The following PPFIBP2 variants were observed in gnomAD, a reference collection of about 807,000 sequenced individuals.
PPFIBP2 encodes liprin-beta-2.
A neutral mutation model predicts 118.3 loss-of-function variants in PPFIBP2; 118 were observed. The observed-to-expected ratio is 1.00, with a 90% CI of 0.86 to 1.16. The LOEUF (loss-of-function observed/expected upper bound fraction) is 1.16. Among genes scored for constraint, PPFIBP2 ranks in the 50% most tolerant of loss-of-function variants. PPFIBP2 has a pLI of 0.00. For missense variants in PPFIBP2, 1,195 were observed against 1,073.1 expected (o/e 1.11, Z -1.59); for synonymous variants, 414 against 397.4 (o/e 1.04, Z -0.50).
chr11:7,653,862 C>T, downstream of PPFIBP2: 1 of 1,092,164 alleles, frequency 9.2e-7, no homozygotes, highest in Admixed American at 3.8e-5. Flanking sequence ...GGCACTGAGC[C>T]TAGTCCTCAG....
chr11:7,663,410 T>A, the PPFIBP2 span, among the ~76,000 whole-genome samples: 1 of 151,978 alleles, frequency 6.6e-6, no homozygotes, highest in Non-Finnish European at 1.5e-5. Context: ...CCCTGCTGTG[T>A]GAGGTGTCGG....
intron 4 of PPFIBP2, chr11:7,597,268 G>T (rs1860509259): frequency 1.3e-6 from 2 of 1,535,370 alleles, no homozygotes; most frequent in Admixed American, 2.0e-5. Flanking sequence ...CAGGAGTCCA[G>T]CCCAGAGGCA....
intron 1 of PPFIBP2, among the ~76,000 whole-genome samples, chr11:7,527,908 C>T (rs911487206): frequency 6.6e-6 from 1 of 152,102 alleles, no homozygotes; most frequent in Non-Finnish European, 1.5e-5. Flanking sequence ...TATGAAGTAC[C>T]CATCATGCAT....
intron 3 of PPFIBP2, among the ~76,000 whole-genome samples, chr11:7,568,663 CAGGA>C (rs1855286125): frequency 1.3e-5 from 2 of 152,180 alleles, no homozygotes; most frequent in East Asian, 3.8e-4. Context: ...AAGTGGCCCT[CAGGA>C]AGACAGCTCA....
At chr11:7,559,376 G>A (rs961201049) in intron 2 of PPFIBP2, among the ~76,000 whole-genome samples, 65 of 152,250 alleles carry the variant, frequency 4.3e-4, no homozygotes, top group Admixed American at 4.2e-3. Context: ...TTTACAGGAG[G>A]TAATTGTGGG....
chr11:7,577,500 G>A (rs1295593549), intron 3 of PPFIBP2: 5 of 451,348 alleles, frequency 1.1e-5, no homozygotes, highest in Middle Eastern at 3.3e-4. Context: ...GGGGGGAGGG[G>A]GCAGAGGCAA....
chr11:7,602,242 C>G (rs1461019641), intron 5 of PPFIBP2, among the ~76,000 whole-genome samples: 1 of 152,098 alleles, frequency 6.6e-6, no homozygotes, highest in Non-Finnish European at 1.5e-5. Context: ...TTAAGCAGAT[C>G]AAGGCATTGC....
chr11:7,547,679 G>T (rs1852475446), intron 1 of PPFIBP2, among the ~76,000 whole-genome samples: 1 of 151,682 alleles, frequency 6.6e-6, no homozygotes, highest in African/African-American at 2.4e-5. Context: ...GTTCCTTGTT[G>T]CAGCCTTTTC....
intron 1 of PPFIBP2, among the ~76,000 whole-genome samples, chr11:7,525,103 C>G (rs1477210289): frequency 1.3e-5 from 2 of 152,100 alleles, no homozygotes; most frequent in Non-Finnish European, 2.9e-5. Flanking sequence ...TGTCCTGCCC[C>G]CTCATTCTAT....
At chr11:7,624,102 G>A (rs775055410) in intron 7 of PPFIBP2, among the ~76,000 whole-genome samples, 4 of 152,178 alleles carry the variant, frequency 2.6e-5, no homozygotes, top group Non-Finnish European at 4.4e-5. Context: ...GGGGATGTTA[G>A]GGAAGGTTAT....
chr11:7,609,375 C>T (rs562879777), intron 5 of PPFIBP2, among the ~76,000 whole-genome samples: 2 of 152,308 alleles, frequency 1.3e-5, no homozygotes, highest in African/African-American at 2.4e-5. Context: ...CCTTTGTAGC[C>T]AGTGTCTACC....
rs770118942 is a variant in PPFIBP2 at position 7,621,027 on chromosome 11, G to A, written c.711G>A (p.Lys237=). The A allele has an allele frequency of 2.1e-5, 34 of 1,595,326 alleles. No homozygotes were observed. The highest frequency in any genetic ancestry group is 1.7e-5 in the Admixed American group (1 of 59,968). The change falls in exon 7 of 24, where the codon AAG becomes AAA. Residue 237 remains lysine, a splice_region_variant and synonymous_variant. Coordinates refer to ENST00000299492, the MANE Select transcript of PPFIBP2 (RefSeq NM_003621.5). Reference sequence around the variant, plus strand: ...ATGAATGGAAGCTAAAGGCCACTAAGGTAAACGGCACTCCTGATGCTTATG... The same window carrying A: ...ATGAATGGAAGCTAAAGGCCACTAAAGTAAACGGCACTCCTGATGCTTATG... The part of the protein sequence containing the change: ...NQYEWKLKAT[K]AEVAQLQEQV...
chr11:7,627,176 G>A (rs1435111360), intron 8 of PPFIBP2, among the ~76,000 whole-genome samples: 1 of 152,170 alleles, frequency 6.6e-6, no homozygotes, highest in Non-Finnish European at 1.5e-5. Flanking sequence ...TTCTAGAGCT[G>A]GTCCTTGGGT....
Position 7,520,169 on chromosome 11 carries a change from G to A in PPFIBP2, c.-37+6048G>A, listed in dbSNP as rs548134590. Among the ~76,000 whole-genome samples, 5 of 152,332 alleles carry A rather than the reference G, an allele frequency of 3.3e-5. No homozygotes were observed. In the East Asian group the frequency reaches 9.7e-4, roughly 29 times the overall value. On this transcript the variant is annotated intron_variant, in intron 1 of 23. Transcript: ENST00000299492. ...TTTAATGAGCGCCTGGGTGCAGGCA[G>A]GCTGAGGCCTAAAATGGCATCAGCA...
intron 1 of PPFIBP2, among the ~76,000 whole-genome samples, chr11:7,524,776 C>T (rs939024260): frequency 5.3e-5 from 8 of 151,888 alleles, no homozygotes; most frequent in African/African-American, 1.9e-4. Context: ...AGTGGATTGG[C>T]CTGAGGGGGT....
chr11:7,586,780 C>A (rs527655282), intron 3 of PPFIBP2, among the ~76,000 whole-genome samples: 1 of 152,260 alleles, frequency 6.6e-6, no homozygotes, highest in South Asian at 2.1e-4. Context: ...CCCCAGGGAT[C>A]CCCTGACTTG....
At chr11:7,546,131 A>T (rs1013834380) in intron 1 of PPFIBP2, among the ~76,000 whole-genome samples, 2 of 152,086 alleles carry the variant, frequency 1.3e-5, no homozygotes, top group African/African-American at 4.8e-5. Flanking sequence ...TGCCCTATGT[A>T]TCTCTTCCAT....
chr11:7,646,784 C>T (rs554921148), intron 17 of PPFIBP2, among the ~76,000 whole-genome samples: 1 of 152,230 alleles, frequency 6.6e-6, no homozygotes, highest in South Asian at 2.1e-4. Flanking sequence ...TCTGAAATAA[C>T]AAATACCCTG....
chr11:7,576,075 G>T (rs1454369351), intron 3 of PPFIBP2, among the ~76,000 whole-genome samples: 1 of 152,226 alleles, frequency 6.6e-6, no homozygotes, highest in African/African-American at 2.4e-5. Flanking sequence ...TTTGGGCCCT[G>T]CTTCTGGCCC....
Sources: gnomAD v4.1 joint callset for allele counts (sites outside exome capture counted in the v4.1 genomes callset) on GRCh38, gnomAD v4.1.1 for gene constraint, MANE v1.5 for transcripts, NCBI Gene and HGNC (gene_info 2026-07-23, HGNC 2026-07-21) for gene names.